The following NECTIN3 variants were observed in gnomAD, a reference collection of about 807,000 sequenced individuals.
The protein encoded by NECTIN3 is nectin-3.
In NECTIN3, 8 loss-of-function variants were observed where a neutral mutation model predicts 49.4. That is an observed-to-expected ratio of 0.16 (90% confidence interval 0.10 to 0.29). The LOEUF (loss-of-function observed/expected upper bound fraction) is 0.29, where lower values mean the gene tolerates loss of function less well. Among genes scored for constraint, NECTIN3 ranks in the 10% least tolerant of loss-of-function variants. The pLI, the probability that NECTIN3 is intolerant of heterozygous loss-of-function variation, is 1.00. For synonymous variants in NECTIN3, 277 were observed against 241.1 expected, an observed-to-expected ratio of 1.15 and a Z score of -1.38; for missense variants, 581 against 654.6, an observed-to-expected ratio of 0.89 and a Z score of 1.23.
intron 1 of NECTIN3, among the ~76,000 whole-genome samples, chr3:111,082,771 TATATA>T (rs1480152018): frequency 4.6e-5 from 7 of 152,198 alleles, no homozygotes; most frequent in Non-Finnish European, 1.0e-4. Flanking sequence ...TAGATTGTAA[TATATA>T]ATGAAATAAT....
At chr3:111,175,170 G>A (rs1014403189) in intron 7 of NECTIN3, among the ~76,000 whole-genome samples, 9 of 151,580 alleles carry the variant, frequency 5.9e-5, no homozygotes, top group Non-Finnish European at 7.4e-5. Context: ...CTGTCACATT[G>A]TTCCGCCATC....
At chr3:111,165,490 G>T (rs1213713941) in intron 7 of NECTIN3, among the ~76,000 whole-genome samples, 1 of 152,148 alleles carries the variant, frequency 6.6e-6, no homozygotes, top group Non-Finnish European at 1.5e-5. Context: ...TTTCCTGAAA[G>T]AACCAGAATA....
intron 5 of NECTIN3, among the ~76,000 whole-genome samples, chr3:111,131,517 G>A (rs1477483481): frequency 2.0e-5 from 3 of 151,950 alleles, no homozygotes; most frequent in Non-Finnish European, 4.4e-5. Context: ...TTCATGGAAT[G>A]ATATTACTAG....
rs147865085 is a variant in NECTIN3, at chr3:111,193,021, G to A, written c.63+608G>A. 2.2e-3 allele frequency among the ~76,000 whole-genome samples: 339 copies of A among 152,272 alleles called. 7 individuals are homozygous for A. Among genetic ancestry groups the A allele is most frequent in the Admixed American group, 0.017 (259 of 15,294 alleles). Reference sequence around the variant, plus strand: ...TACTACTATTCTTATTCAGGGTATTGTAAGCGACAAATGACTGGAAAATAT... The same window carrying A: ...TACTACTATTCTTATTCAGGGTATTATAAGCGACAAATGACTGGAAAATAT... On this transcript the variant is annotated intron_variant, in intron 1 of 1. Transcript: ENST00000485506.
intron 1 of NECTIN3, among the ~76,000 whole-genome samples, chr3:111,106,775 T>G (rs2107438069): frequency 6.6e-6 from 1 of 152,322 alleles, no homozygotes; most frequent in Non-Finnish European, 1.5e-5. Context: ...AAAGGATTCA[T>G]ATCTTAGAGA....
At chr3:111,101,095 T>G (rs1288609553) in intron 1 of NECTIN3, among the ~76,000 whole-genome samples, 1 of 152,134 alleles carries the variant, frequency 6.6e-6, no homozygotes, top group Non-Finnish European at 1.5e-5. Context: ...ACTACCTCTA[T>G]AAAATGAGGT....
chr3:111,145,564 A>G (rs1231149467), intron 6 of NECTIN3, among the ~76,000 whole-genome samples: 1 of 152,180 alleles, frequency 6.6e-6, no homozygotes, highest in Non-Finnish European at 1.5e-5. Flanking sequence ...TGACCTAGTC[A>G]TTGAGATAGA....
In NECTIN3 at chr3:111,072,115, C is replaced by A; in HGVS notation, c.98C>A (p.Pro33His). The change falls in exon 1 of 6, where the codon CCC becomes CAC. Residue 33 changes from proline to histidine, a missense_variant. Pro to His is a moderately conservative substitution (Grantham distance 77). This residue lies in a region of NECTIN3 where 109 missense variants were observed against 69.1 expected (regional missense o/e 1.58). Coordinates refer to ENST00000485303, the MANE Select transcript of NECTIN3 (RefSeq NM_015480.3). ...CTCGGAGCCGGGCTCCTGCTGCAGC[C>A]CCCGACGCCACCTCCGCTGCTGCTG... ...SLLGAGLLLQ[P>H]PTPPPLLLLL... 1 of 1,549,620 alleles carries A rather than the reference C, an allele frequency of 6.5e-7. No homozygotes were observed. The highest frequency in any genetic ancestry group is 8.7e-7 in the Non-Finnish European group (1 of 1,146,228).
chr3:111,191,449 C>T (rs774553152), upstream of NECTIN3, among the ~76,000 whole-genome samples: 12 of 151,986 alleles, frequency 7.9e-5, no homozygotes, highest in African/African-American at 1.9e-4. Context: ...CATCTCTGCT[C>T]GAGGGTGTTG....
At chr3:111,144,797 A>G in intron 5 of NECTIN3, 1 of 1,307,878 alleles carries the variant, frequency 7.6e-7, no homozygotes, top group Non-Finnish European at 1.0e-6. Context: ...GCTCTTGGAT[A>G]ACATACTTCA....
chr3:111,185,899 A>G (rs1033543656), intron 7 of NECTIN3, among the ~76,000 whole-genome samples: 2 of 152,210 alleles, frequency 1.3e-5, no homozygotes, highest in African/African-American at 4.8e-5. Context: ...TAAAAAGGAA[A>G]GAGTAATTAT....
At chr3:111,086,284 A>ATATC (rs2031921049) in intron 1 of NECTIN3, among the ~76,000 whole-genome samples, 1 of 152,146 alleles carries the variant, frequency 6.6e-6, no homozygotes, top group African/African-American at 2.4e-5. Context: ...CAGTTCCTGA[A>ATATC]TATCTGTCTG....
chr3:111,182,460 C>A (rs888227425), intron 7 of NECTIN3, among the ~76,000 whole-genome samples: 4 of 152,058 alleles, frequency 2.6e-5, no homozygotes, highest in African/African-American at 9.7e-5. Context: ...ATATCCATTT[C>A]TCCTTTCAAT....
rs779599842 is a variant in NECTIN3 at position 111,122,174 on chromosome 3, A to G, written c.853A>G (p.Lys285Glu). The change falls in exon 4 of 6, where the codon AAA (lysine) becomes GAA (glutamate). Residue 285 changes from lysine to glutamate, a missense_variant. Physicochemically the swap from Lys to Glu is moderately conservative, Grantham distance 56. Around this residue, in one of 3 missense-constraint regions of NECTIN3, gnomAD observed 234 missense variants for 340.6 expected, o/e 0.69. Transcript: ENST00000485303. ...TGATGGAAATTGGTTTGTAGGAAGA[A>G]AAGGTGTTAATCTCAAATGTAATGC... is the stretch of plus-strand genomic sequence containing the variant. Reference protein sequence around the residue: ...GYDGNWFVGRKGVNLKCNADA... With the variant: ...GYDGNWFVGREGVNLKCNADA... 2 of 1,613,678 alleles carry G rather than the reference A, an allele frequency of 1.2e-6. No individual in the cohort carries two copies. The highest frequency in any genetic ancestry group is 1.7e-6 in the Non-Finnish European group (2 of 1,179,720).
At chr3:111,144,434 C>A (rs1198962095) in intron 5 of NECTIN3, among the ~76,000 whole-genome samples, 1 of 151,006 alleles carries the variant, frequency 6.6e-6, no homozygotes. Flanking sequence ...TTTTTTTGAT[C>A]TGGGATATTT....
intron 1 of NECTIN3, among the ~76,000 whole-genome samples, chr3:111,097,795 C>A (rs1257400986): frequency 6.6e-6 from 1 of 152,148 alleles, no homozygotes; most frequent in Non-Finnish European, 1.5e-5. Context: ...TAAACCTCTT[C>A]CCTCCATTAA....
intron 4 of NECTIN3, among the ~76,000 whole-genome samples, chr3:111,123,694 G>T (rs2034046023): frequency 6.6e-6 from 1 of 152,116 alleles, no homozygotes; most frequent in Admixed American, 6.5e-5. Flanking sequence ...GGTACAGTGA[G>T]TTGAACTCCA....
chr3:111,133,481 A>G (rs2034463489), intron 5 of NECTIN3, among the ~76,000 whole-genome samples, 154 bp from the exon 6 acceptor site: 1 of 152,168 alleles, frequency 6.6e-6, no homozygotes, highest in Non-Finnish European at 1.5e-5. Context: ...GAGTACCACT[A>G]CATTCTAATC....
At chr3:111,141,104 A>G (rs1267420119), downstream of NECTIN3, among the ~76,000 whole-genome samples, 1 of 151,910 alleles carries the variant, frequency 6.6e-6, no homozygotes. Context: ...GAGGAGACTG[A>G]CCTGATCCAA....
Sources: gnomAD v4.1 joint callset for allele counts (sites outside exome capture counted in the v4.1 genomes callset) on GRCh38, gnomAD v4.1.1 for gene constraint, gnomAD v4.1.1 regional missense constraint, MANE v1.5 for transcripts, NCBI Gene and HGNC (gene_info 2026-07-23, HGNC 2026-07-21) for gene names.